The following PCDH9 variants were observed in gnomAD, a reference collection of about 807,000 sequenced individuals.
The protein encoded by PCDH9 is protocadherin 9, also known as protocadherin-9.
A neutral mutation model predicts 70.6 loss-of-function variants in PCDH9; 24 were observed. The observed-to-expected ratio is 0.34, with a 90% CI of 0.25 to 0.48. The LOEUF (loss-of-function observed/expected upper bound fraction) is 0.48, where lower values mean the gene tolerates loss of function less well. Among genes scored for constraint, PCDH9 ranks in the 20% least tolerant of loss-of-function variants. The pLI is 0.99. For synonymous variants in PCDH9, 562 were observed against 558.5 expected (o/e 1.01, Z -0.09); for missense variants, 1,281 against 1,503.6 (o/e 0.85, Z 2.45).
intron 3 of PCDH9, among the ~76,000 whole-genome samples, chr13:66,665,953 A>T: frequency 6.6e-6 from 1 of 152,160 alleles, no homozygotes. Context: ...AGCCTCAAAT[A>T]ATCAAGCCAA....
At position 66,551,465 on chromosome 13, in the gene PCDH9, G is replaced by A. The variant is rs574206373; in HGVS notation, c.3340+79745C>T. Reference sequence around the variant, plus strand: ...AACATAGGGGAAAACTGAGAATGAGGAGGTGACAGGAAATGAAAGAGTTCT... The same window carrying A: ...AACATAGGGGAAAACTGAGAATGAGAAGGTGACAGGAAATGAAAGAGTTCT... On this transcript the variant is annotated intron_variant, in intron 4 of 4. Transcript: ENST00000377865. 1.5e-4 allele frequency among the ~76,000 whole-genome samples: 23 copies of A among 152,290 alleles called. No homozygotes were observed. In the East Asian group the frequency reaches 4.2e-3, roughly 28 times the overall value.
At chr13:66,366,422 C>T (rs975249806) in intron 4 of PCDH9, among the ~76,000 whole-genome samples, 16 of 151,986 alleles carry the variant, frequency 1.1e-4, no homozygotes, top group Non-Finnish European at 1.5e-4. Context: ...TCTTCTAGGA[C>T]GCTATCCTTC....
At chr13:67,157,521 A>G (rs1594589618) in intron 2 of PCDH9, among the ~76,000 whole-genome samples, 1 of 152,338 alleles carries the variant, frequency 6.6e-6, no homozygotes, top group South Asian at 2.1e-4. Flanking sequence ...GAAGGCATAT[A>G]TATGATTATA....
At chr13:66,667,794 A>C (rs1593863860) in intron 3 of PCDH9, among the ~76,000 whole-genome samples, 1 of 152,134 alleles carries the variant, frequency 6.6e-6, no homozygotes, top group East Asian at 1.9e-4. Context: ...ATAACTTGCC[A>C]ATATAATTTG....
At chr13:67,152,804 A>C (rs1344834194) in intron 2 of PCDH9, among the ~76,000 whole-genome samples, 2 of 152,194 alleles carry the variant, frequency 1.3e-5, no homozygotes, top group Non-Finnish European at 2.9e-5. Context: ...AATCACACTG[A>C]AGGAGTAAGA....
At chr13:67,052,286 A>G (rs1195403606) in intron 2 of PCDH9, among the ~76,000 whole-genome samples, 1 of 152,032 alleles carries the variant, frequency 6.6e-6, no homozygotes, top group Non-Finnish European at 1.5e-5. Flanking sequence ...GTGAGAGTAT[A>G]AGTTAGCCCT....
chr13:66,733,408 A>G (rs2139180245), intron 3 of PCDH9, among the ~76,000 whole-genome samples: 1 of 152,276 alleles, frequency 6.6e-6, no homozygotes, highest in Non-Finnish European at 1.5e-5. Flanking sequence ...CCTCCACACT[A>G]ATTATTTTTG....
chr13:67,164,042 A>G (rs1323470897), intron 2 of PCDH9, among the ~76,000 whole-genome samples: 2 of 152,198 alleles, frequency 1.3e-5, no homozygotes, highest in East Asian at 3.9e-4. Flanking sequence ...AAAGTTACCA[A>G]TCCACTCTAA....
chr13:66,341,524 C>T (rs1956124502), intron 4 of PCDH9, among the ~76,000 whole-genome samples: 1 of 152,046 alleles, frequency 6.6e-6, no homozygotes, highest in South Asian at 2.1e-4. Context: ...TTAGCCCAGC[C>T]CCCACCTCAG....
chr13:66,708,880 CA>C (rs1424583860), intron 3 of PCDH9, among the ~76,000 whole-genome samples: 1 of 152,194 alleles, frequency 6.6e-6, no homozygotes, highest in Non-Finnish European at 1.5e-5. Flanking sequence ...ATTCTGCCCC[CA>C]ACCAAATCTT....
At chr13:67,124,863 C>T (rs1420502860) in intron 2 of PCDH9, among the ~76,000 whole-genome samples, 2 of 152,106 alleles carry the variant, frequency 1.3e-5, no homozygotes, top group African/African-American at 4.8e-5. Flanking sequence ...TACATCTCCC[C>T]CTAACACTTA....
intron 3 of PCDH9, among the ~76,000 whole-genome samples, chr13:66,744,904 G>T (rs556751188): frequency 3.9e-5 from 6 of 152,080 alleles, no homozygotes; most frequent in African/African-American, 1.2e-4. Flanking sequence ...ATATCTCAGA[G>T]AGAAAAGTTT....
chr13:66,521,358 A>G (rs1959977161), intron 4 of PCDH9, among the ~76,000 whole-genome samples: 2 of 152,088 alleles, frequency 1.3e-5, no homozygotes, highest in South Asian at 4.1e-4. Flanking sequence ...GGCCATGATG[A>G]GGTCGGTAGT....
intron 2 of PCDH9, among the ~76,000 whole-genome samples, chr13:66,918,558 A>G (rs1027786558): frequency 6.6e-6 from 1 of 151,296 alleles, no homozygotes; most frequent in Non-Finnish European, 1.5e-5. Context: ...AAATGAATGT[A>G]TCTTAATTTA....
At chr13:67,096,391 T>A (rs374274350) in intron 2 of PCDH9, among the ~76,000 whole-genome samples, 1 of 152,220 alleles carries the variant, frequency 6.6e-6, no homozygotes. Context: ...AAAACTATTA[T>A]TTTTATTTCA....
intron 2 of PCDH9, among the ~76,000 whole-genome samples, chr13:67,138,331 T>C (rs1021897664): frequency 2.6e-5 from 4 of 152,164 alleles, no homozygotes; most frequent in African/African-American, 9.7e-5. Context: ...GGGTGCCCAT[T>C]ATTCATGTGA....
At chr13:66,826,169 T>TA (rs2139394585) in intron 3 of PCDH9, among the ~76,000 whole-genome samples, 1 of 152,260 alleles carries the variant, frequency 6.6e-6, no homozygotes, top group South Asian at 2.1e-4. Flanking sequence ...TTCAAAAACT[T>TA]AAAGAAGTCA....
At chr13:66,472,777 T>C (rs1184076846) in intron 4 of PCDH9, among the ~76,000 whole-genome samples, 2 of 152,120 alleles carry the variant, frequency 1.3e-5, no homozygotes, top group Non-Finnish European at 2.9e-5. Context: ...TATTTTAGAA[T>C]CTTCTAAAAC....
chr13:66,919,994 T>C (rs1326715530), intron 2 of PCDH9, among the ~76,000 whole-genome samples: 1 of 151,034 alleles, frequency 6.6e-6, no homozygotes, highest in Non-Finnish European at 1.5e-5. Context: ...AATATATCCA[T>C]GTAACCAATA....
Sources: gnomAD v4.1 joint callset for allele counts (sites outside exome capture counted in the v4.1 genomes callset) on GRCh38, gnomAD v4.1.1 for gene constraint, MANE v1.5 for transcripts, NCBI Gene and HGNC (gene_info 2026-07-23, HGNC 2026-07-21) for gene names.